The following BICD1 variants were observed in gnomAD, a reference collection of about 807,000 sequenced individuals.
BICD1 encodes the protein protein bicaudal D homolog 1.
In BICD1, 35 loss-of-function variants were observed where a neutral mutation model predicts 92.5. The observed-to-expected ratio is 0.38, with a 90% CI of 0.29 to 0.50. BICD1 has a LOEUF of 0.50. Ranked by LOEUF, BICD1 falls within the 20% of genes least tolerant of loss-of-function variation. The probability of loss-of-function intolerance (pLI) is 0.93; values close to 1 mark genes in which losing one functional copy is unlikely to be tolerated. For synonymous variants in BICD1, 429 were observed against 465.1 expected, an observed-to-expected ratio of 0.92 and a Z score of 1.00; for missense variants, 950 against 1,189.8, an observed-to-expected ratio of 0.80 and a Z score of 2.97.
At chr12:32,242,061 A>G (rs1412699801) in intron 2 of BICD1, among the ~76,000 whole-genome samples, 1 of 151,364 alleles carries the variant, frequency 6.6e-6, no homozygotes, top group Non-Finnish European at 1.5e-5. Flanking sequence ...ACAAAAAAAC[A>G]AAAATTAGCT....
In BICD1 at chr12:32,265,725, A is replaced by AAC. The variant is rs576320478; in HGVS notation, c.427-28268_427-28267insCA. On this transcript the variant is annotated intron_variant, in intron 2 of 9. Transcript: ENST00000652176. ...ACACAGCGAGATCCTATTTAAAAAAAAAAAAAAAGACAAAAAGAAAAGAAA... is the reference window on the plus strand; with the variant it reads ...ACACAGCGAGATCCTATTTAAAAAAAACAAAAAAAAGACAAAAAGAAAAGAAA... Among the ~76,000 whole-genome samples, 505 of 151,538 alleles carry AAC rather than the reference A, an allele frequency of 3.3e-3. 3 individuals carry two copies. The highest frequency in any genetic ancestry group is 6.8e-3 in the Middle Eastern group (2 of 292).
At chr12:32,322,453 T>G (rs541307623) in intron 4 of BICD1, among the ~76,000 whole-genome samples, 3 of 152,290 alleles carry the variant, frequency 2.0e-5, no homozygotes, top group Admixed American at 1.3e-4. Context: ...ATCCCTCGCA[T>G]GCGCAGTTCA....
intron 8 of BICD1, among the ~76,000 whole-genome samples, chr12:32,350,385 G>A (rs758070484): frequency 6.6e-6 from 1 of 152,158 alleles, no homozygotes; most frequent in Non-Finnish European, 1.5e-5. Flanking sequence ...GCTGAGGTGG[G>A]AGAATTGCTT....
At chr12:32,182,892 T>C (rs1156546606) in intron 1 of BICD1, among the ~76,000 whole-genome samples, 114 of 144,022 alleles carry the variant, frequency 7.9e-4, no homozygotes, top group African/African-American at 2.4e-3. Context: ...CTTTCTTTCT[T>C]TTTTTTTTTT....
At chr12:32,248,546 C>T (rs192558489) in intron 2 of BICD1, among the ~76,000 whole-genome samples, 1 of 152,284 alleles carries the variant, frequency 6.6e-6, no homozygotes, top group Admixed American at 6.5e-5. Flanking sequence ...AGTCCTTGAG[C>T]AGTGAGATCT....
At chr12:32,242,767 G>A (rs958669091) in intron 2 of BICD1, among the ~76,000 whole-genome samples, 5 of 152,062 alleles carry the variant, frequency 3.3e-5, no homozygotes, top group Admixed American at 1.3e-4. Context: ...TCTACTGATC[G>A]TTTCTTATGA....
At chr12:32,271,351 T>C (rs1947136839) in intron 2 of BICD1, among the ~76,000 whole-genome samples, 1 of 152,162 alleles carries the variant, frequency 6.6e-6, no homozygotes, top group Admixed American at 6.5e-5. Context: ...GTTCGTCTAT[T>C]TGGGGCTTCT....
At position 32,107,271 on chromosome 12, in the gene BICD1, G is replaced by A; in HGVS notation, c.-61G>A. 3 of 1,414,422 alleles carry A rather than the reference G, an allele frequency of 2.1e-6. No individual in the cohort carries two copies. The highest frequency in any genetic ancestry group is 1.3e-5 in the South Asian group (1 of 76,602). 87.6% of individuals were successfully genotyped at this position (1,414,422 alleles called of 1,614,324 possible). A position where few individuals can be genotyped will look rare whatever the true frequency, so the allele number is the denominator to read the frequency against. On this transcript the variant is annotated 5_prime_UTR_variant, in exon 1 of 10. Transcript: ENST00000652176. The stretch of plus-strand genomic sequence containing the variant: ...TTCCCATTTCCTTCTCCCTTTCCCC[G>A]CCAGCTTCGCATCCATCTCCCCCAC...
At position 32,378,792 on chromosome 12, in the gene BICD1, G is replaced by A. The variant is rs1012392571; in HGVS notation, c.*1165G>A. 6.6e-6 allele frequency: 1 copy of A among 152,050 alleles called. No individual in the cohort carries two copies. The highest frequency in any genetic ancestry group is 2.4e-5 in the African/African-American group (1 of 41,390). 9.4% of individuals were successfully genotyped at this position (152,050 alleles called of 1,614,324 possible). On this transcript the variant is annotated 3_prime_UTR_variant, in exon 10 of 10. Coordinates refer to ENST00000652176, the MANE Select transcript of BICD1 (RefSeq NM_001714.4). ...AATAGATAATAAACCTTAGCTCATT[G>A]TCTACTTTTGACAAACACTCAGGTG... is the stretch of plus-strand genomic sequence containing the variant.
intron 1 of BICD1, among the ~76,000 whole-genome samples, chr12:32,143,463 T>TTG (rs1188211551): frequency 2.0e-5 from 3 of 151,826 alleles, no homozygotes; most frequent in Admixed American, 6.6e-5. Context: ...ACATTTTTTT[T>TTG]TGTGTGTGTG....
rs150840324 is a variant in BICD1, at chr12:32,296,814, G to A, written c.579+2668G>A. Among the ~76,000 whole-genome samples, 7 of 152,232 alleles carry A rather than the reference G, an allele frequency of 4.6e-5. 1 individual carries two copies. Among genetic ancestry groups the A allele is most frequent in the African/African-American group, 1.7e-4 (7 of 41,530 alleles). On this transcript the variant is annotated intron_variant, in intron 3 of 9. Transcript: ENST00000652176. ...TAGATATTCTTGAAAGACTGCCAAG[G>A]TATCCCTTGAGTATTCATTAACCCA...
chr12:32,133,225 T>A (rs759902874), intron 1 of BICD1, among the ~76,000 whole-genome samples: 1 of 152,114 alleles, frequency 6.6e-6, no homozygotes, highest in African/African-American at 2.4e-5. Context: ...GGGTGGCTCA[T>A]GCCTGTAATC....
intron 2 of BICD1, among the ~76,000 whole-genome samples, chr12:32,257,202 ACT>A (rs1946742026): frequency 9.1e-6 from 1 of 109,634 alleles, no homozygotes; most frequent in Admixed American, 1.1e-4. Flanking sequence ...ACAGAGGGAG[ACT>A]CTGTCTCAAA....
chr12:32,246,986 C>T (rs75048379), intron 2 of BICD1, among the ~76,000 whole-genome samples: 3,907 of 151,970 alleles, frequency 0.026, 170 homozygotes, highest in African/African-American at 0.088. Context: ...GGTCAGGCAC[C>T]GTGGCTCACA....
intron 1 of BICD1, among the ~76,000 whole-genome samples, chr12:32,121,691 G>A (rs1047287083): frequency 2.0e-5 from 3 of 151,874 alleles, no homozygotes; most frequent in East Asian, 1.9e-4. Flanking sequence ...AGCCAAGATC[G>A]CAACACTGCA....
At chr12:32,145,011 T>C (rs1191205666) in intron 1 of BICD1, among the ~76,000 whole-genome samples, 1 of 152,232 alleles carries the variant, frequency 6.6e-6, no homozygotes, top group Non-Finnish European at 1.5e-5. Context: ...GGTTGAATAA[T>C]ATACTTAGGT....
At chr12:32,363,959 A>G (rs1264125902) in intron 8 of BICD1, among the ~76,000 whole-genome samples, 3 of 152,102 alleles carry the variant, frequency 2.0e-5, no homozygotes, top group Non-Finnish European at 4.4e-5. Flanking sequence ...ACAGTGCCTG[A>G]GACATCGTAA....
At chr12:32,127,180 T>G (rs968288700) in intron 1 of BICD1, among the ~76,000 whole-genome samples, 2 of 152,176 alleles carry the variant, frequency 1.3e-5, no homozygotes, top group African/African-American at 4.8e-5. Flanking sequence ...TTATCACTCT[T>G]TTGTGTTTCT....
At position 32,327,575 on chromosome 12, in the gene BICD1, C is replaced by T. The variant is rs1404722439; in HGVS notation, c.1120C>T (p.His374Tyr). The change falls in exon 5 of 10, where the codon CAC becomes TAC. Residue 374 changes from histidine (H) to tyrosine (Y), a missense_variant. This residue lies in a region of BICD1 where 246 missense variants were observed against 258.4 expected (regional missense o/e 0.95). Coordinates refer to ENST00000652176, the MANE Select transcript of BICD1 (RefSeq NM_001714.4). Reference protein sequence around the residue: ...QHERVHRLTEHVNAMRGLQSS... With the variant: ...QHERVHRLTEYVNAMRGLQSS... ...TGAGCGGGTGCACCGGCTCACAGAGCACGTCAATGCCATGAGGGGCCTGCA... is the reference window on the plus strand; with the variant it reads ...TGAGCGGGTGCACCGGCTCACAGAGTACGTCAATGCCATGAGGGGCCTGCA... 5 of 1,614,110 alleles carry T rather than the reference C, an allele frequency of 3.1e-6. No individual in the cohort carries two copies. The Admixed American group carries it at 6.7e-5, about 22-fold the overall frequency.
Sources: allele counts gnomAD v4.1 joint callset (sites outside exome capture counted in the v4.1 genomes callset), GRCh38; gene constraint gnomAD v4.1.1; regional missense constraint gnomAD v4.1.1; transcripts MANE v1.5; gene names NCBI Gene and HGNC (gene_info 2026-07-23, HGNC 2026-07-21).